ADGRB3: variants seen among roughly 807,000 people sequenced by gnomAD.
ADGRB3 encodes the protein adhesion G protein-coupled receptor B3.
Under a neutral mutation model 193.4 loss-of-function variants are expected in ADGRB3, and 37 were observed. The ratio of observed to expected loss-of-function variants is 0.19; its 90% CI spans 0.15 to 0.25. The LOEUF (loss-of-function observed/expected upper bound fraction) is 0.25, where lower values mean the gene tolerates loss of function less well. ADGRB3 is among the 10% of genes least tolerant of loss of function. The pLI, the probability that ADGRB3 is intolerant of heterozygous loss-of-function variation, is 1.00. For missense variants in ADGRB3, 1,637 were observed against 1,852.9 expected (o/e 0.88, Z 2.14); for synonymous variants, 690 against 644.2 (o/e 1.07, Z -1.08).
In ADGRB3 at chr6:68,751,708, A is replaced by G. The variant is rs79199182; in HGVS notation, c.757+112276A>G. On this transcript the variant is annotated intron_variant, in intron 3 of 31. Coordinates refer to ENST00000370598, the MANE Select transcript of ADGRB3 (RefSeq NM_001704.3). ...GTATACTATCCTCACACCCTCATCT[A>G]TTTGTAGCCATCATAATTGTCAAAA... 6.9e-4 allele frequency among the ~76,000 whole-genome samples: 105 copies of G among 152,296 alleles called. 2 individuals carry two copies. The East Asian group carries it at 0.02, about 29-fold the overall frequency.
At chr6:68,992,909 AT>A (rs901116418) in intron 10 of ADGRB3, among the ~76,000 whole-genome samples, 69 of 104,906 alleles carry the variant, frequency 6.6e-4, no homozygotes, top group African/African-American at 1.1e-3. Context: ...TGATTATTTC[AT>A]TTTTTTTTAG....
At chr6:69,232,583 C>G in intron 17 of ADGRB3, 1 of 1,535,638 alleles carries the variant, frequency 6.5e-7, no homozygotes. Flanking sequence ...ATGTCAAGGA[C>G]GTCAGAGGCG....
At chr6:69,181,078 T>C (rs1561944350) in intron 17 of ADGRB3, among the ~76,000 whole-genome samples, 1 of 152,184 alleles carries the variant, frequency 6.6e-6, no homozygotes, top group East Asian at 1.9e-4. Flanking sequence ...GGGCTCTCTG[T>C]CTGTCTCACA....
At chr6:69,060,210 C>T (rs112592122) in intron 15 of ADGRB3, among the ~76,000 whole-genome samples, 2 of 142,522 alleles carry the variant, frequency 1.4e-5, no homozygotes, top group African/African-American at 2.7e-5. Context: ...TTCTCTGTCT[C>T]TCTCTCTCTT....
At chr6:68,828,578 A>T (rs1473838377) in intron 3 of ADGRB3, among the ~76,000 whole-genome samples, 1 of 152,168 alleles carries the variant, frequency 6.6e-6, no homozygotes, top group African/African-American at 2.4e-5. Flanking sequence ...AAGAGGTTGG[A>T]TATCAAAATT....
rs562409112 is a variant in ADGRB3, at chr6:68,830,636, A to C, written c.758-99923A>C. Among the ~76,000 whole-genome samples the C allele has an allele frequency of 3.0e-4, 46 of 152,290 alleles. 2 individuals are homozygous for C. In the South Asian group the frequency reaches 9.5e-3, roughly 32 times the overall value. ...ATGAAACTGAAAATGTCAGGAATTG[A>C]TTATCCAGCAGAAGAAGTCAAGGTT... is the stretch of plus-strand genomic sequence containing the variant. On this transcript the variant is annotated intron_variant, in intron 3 of 31. Transcript: ENST00000370598.
intron 3 of ADGRB3, among the ~76,000 whole-genome samples, chr6:68,916,015 C>T (rs1455977250): frequency 7.3e-5 from 11 of 151,376 alleles, no homozygotes; most frequent in Non-Finnish European, 1.5e-4. Context: ...AAGAAGGAAA[C>T]AGAAAAATAT....
chr6:68,936,907 T>A (rs926800243), intron 5 of ADGRB3, among the ~76,000 whole-genome samples: 5 of 152,230 alleles, frequency 3.3e-5, no homozygotes, highest in Non-Finnish European at 7.3e-5. Flanking sequence ...AAATATCAGT[T>A]TCTAATCTGT....
chr6:69,211,448 G>A (rs909376339), intron 17 of ADGRB3, among the ~76,000 whole-genome samples: 4 of 152,032 alleles, frequency 2.6e-5, no homozygotes, highest in African/African-American at 7.3e-5. Context: ...GTTTGTTTGC[G>A]TGTGTGTGCA....
At chr6:68,652,823 G>T (rs1013886800) in intron 3 of ADGRB3, among the ~76,000 whole-genome samples, 1 of 151,848 alleles carries the variant, frequency 6.6e-6, no homozygotes, top group African/African-American at 2.4e-5. Context: ...TAATTCCTTT[G>T]GTGTTTACAC....
chr6:69,339,316 T>C lies in ADGRB3; in HGVS notation c.3288-17T>C, dbSNP rs566320689. 2.5e-6 allele frequency: 4 copies of C among 1,611,066 alleles called. No homozygotes were observed. The highest frequency in any genetic ancestry group is 2.2e-5 in the South Asian group (2 of 90,974). On this transcript the variant is annotated splice_polypyrimidine_tract_variant and intron_variant, in intron 25 of 31. Coordinates refer to ENST00000370598, the MANE Select transcript of ADGRB3 (RefSeq NM_001704.3). ...GTGATGTATAGCTACGTAATGTTAC[T>C]TTCTTGGTCTCAACAGGGCGTCTCT...
chr6:69,203,410 T>A (rs1332179880), intron 17 of ADGRB3, among the ~76,000 whole-genome samples: 1 of 152,040 alleles, frequency 6.6e-6, no homozygotes, highest in Non-Finnish European at 1.5e-5. Context: ...TTGTTCTTCT[T>A]TCCTTTATTC....
At chr6:69,189,934 T>C (rs952969930) in intron 17 of ADGRB3, among the ~76,000 whole-genome samples, 4 of 152,076 alleles carry the variant, frequency 2.6e-5, no homozygotes, top group Non-Finnish European at 4.4e-5. Flanking sequence ...AATCCGAATC[T>C]CTTAGTTACA....
intron 13 of ADGRB3, among the ~76,000 whole-genome samples, chr6:69,043,281 GAAGAAAGAGAGAAAGA>G (rs923358717): frequency 6.0e-4 from 6 of 9,934 alleles, no homozygotes; most frequent in Admixed American, 4.5e-3. Flanking sequence ...AAAAGGAAAG[GAAGAAAGAGAGAAAGA>G]AAGAAAGAAA....
At chr6:68,886,099 T>C (rs1765899135) in intron 3 of ADGRB3, among the ~76,000 whole-genome samples, 1 of 152,128 alleles carries the variant, frequency 6.6e-6, no homozygotes, top group South Asian at 2.1e-4. Context: ...GATTATTTAA[T>C]CAATTTGCTT....
chr6:69,286,757 G>C (rs1347215799), intron 20 of ADGRB3, among the ~76,000 whole-genome samples: 1 of 151,996 alleles, frequency 6.6e-6, no homozygotes, highest in Non-Finnish European at 1.5e-5. Flanking sequence ...CTAACTCTTA[G>C]GAAACAGGCT....
intron 31 of ADGRB3, among the ~76,000 whole-genome samples, chr6:69,387,392 T>C (rs1770097039): frequency 6.6e-6 from 1 of 152,140 alleles, no homozygotes. Flanking sequence ...AATATTTGAC[T>C]AAAGCATAAT....
intron 3 of ADGRB3, among the ~76,000 whole-genome samples, chr6:68,699,127 C>T (rs1323090631): frequency 6.6e-6 from 1 of 152,064 alleles, no homozygotes; most frequent in Non-Finnish European, 1.5e-5. Context: ...GTGAAACACC[C>T]ACTTCTACAA....
At chr6:68,762,691 A>T (rs1249523337) in intron 3 of ADGRB3, among the ~76,000 whole-genome samples, 1 of 152,182 alleles carries the variant, frequency 6.6e-6, no homozygotes, top group Non-Finnish European at 1.5e-5. Context: ...GGTCCTCATA[A>T]AAATAACTGA....
Sources: gnomAD v4.1 joint callset for allele counts (sites outside exome capture counted in the v4.1 genomes callset) on GRCh38, gnomAD v4.1.1 for gene constraint, MANE v1.5 for transcripts, NCBI Gene and HGNC (gene_info 2026-07-23, HGNC 2026-07-21) for gene names.